Variants in SLC13A4 observed in about 807,000 individuals in gnomAD.
The protein encoded by SLC13A4 is Na(+)/sulfate cotransporter SUT-1.
Under a neutral mutation model 72.7 loss-of-function variants are expected in SLC13A4, and 28 were observed. The observed-to-expected ratio is 0.39, with a 90% CI of 0.29 to 0.53. The LOEUF (loss-of-function observed/expected upper bound fraction) is 0.53. Ranked by LOEUF, SLC13A4 falls within the 20% of genes least tolerant of loss-of-function variation. The pLI is 0.78. For synonymous variants in SLC13A4, 312 were observed against 325.5 expected (o/e 0.96, Z 0.45); for missense variants, 653 against 788.0 (o/e 0.83, Z 2.05).
chr7:135,689,538 A>G (rs1202280457), intron 13 of SLC13A4, among the ~76,000 whole-genome samples: 1 of 152,174 alleles, frequency 6.6e-6, no homozygotes, highest in Non-Finnish European at 1.5e-5. Context: ...CTATGTTTGA[A>G]TAAGGCCAAG....
chr7:135,692,413 A>G lies in SLC13A4; in HGVS notation c.1133T>C (p.Met378Thr). ...CAGGATGAAGAAAAATCCAGTCACCATTTCTGGGTAGCTATAAAATAAAAC... is the reference window on the plus strand; with the variant it reads ...CAGGATGAAGAAAAATCCAGTCACCGTTTCTGGGTAGCTATAAAATAAAAC... ...EKLGDISYPE[M>T]VTGFFFILMT... Residue 378 changes from methionine (M) to threonine (T), a missense_variant, in exon 11 of 16, where the codon ATG becomes ACG. Transcript: ENST00000682651. 1 of 1,610,852 alleles carries G rather than the reference A, an allele frequency of 6.2e-7. No homozygotes were observed. Among genetic ancestry groups the G allele is most frequent in the Non-Finnish European group, 8.5e-7 (1 of 1,178,744 alleles).
Position 135,681,482 on chromosome 7 carries a change from C to T in SLC13A4, c.*81G>A. The stretch of plus-strand genomic sequence containing the variant: ...CTGGGGTTGTGTGCTCCTGGTGGTC[C>T]TAGTGGTTTTCTTTGCCTGTGGTCC... On this transcript the variant is annotated 3_prime_UTR_variant, in exon 16 of 16. Transcript: ENST00000682651. The T allele has an allele frequency of 6.5e-7, 1 of 1,543,090 alleles. No homozygotes were observed. The highest frequency in any genetic ancestry group is 8.8e-7 in the Non-Finnish European group (1 of 1,137,098).
intron 15 of SLC13A4, chr7:135,683,339 C>T (rs527525137): frequency 5.0e-5 from 31 of 620,690 alleles, no homozygotes; most frequent in Non-Finnish European, 5.4e-5. Flanking sequence ...AAAAAAGGAC[C>T]TGAATATCTG....
At position 135,711,963 on chromosome 7, in the gene SLC13A4, A is replaced by ATTTTTTTTTTTTTTTT. The variant is rs529940903; in HGVS notation, c.229-3729_229-3714dup. 2.1e-4 allele frequency among the ~76,000 whole-genome samples: 10 copies of ATTTTTTTTTTTTTTTT among 46,900 alleles called. 1 individual carries two copies. The highest frequency in any genetic ancestry group is 9.9e-4 in the South Asian group (1 of 1,014). 30.8% of individuals were successfully genotyped at this position (46,900 alleles called of 152,430 possible). ...CACTACACCTGGCTAATGTTTTTGG[A>ATTTTTTTTTTTTTTTT]TTTTTTTTTTTTTTTTTTTTTTTTT... On this transcript the variant is annotated intron_variant, in intron 2 of 15. Transcript: ENST00000682651.
At chr7:135,722,563 T>C (rs1218043536) in intron 1 of SLC13A4, among the ~76,000 whole-genome samples, 1 of 151,764 alleles carries the variant, frequency 6.6e-6, no homozygotes, top group Non-Finnish European at 1.5e-5. Flanking sequence ...TCTCATTTGA[T>C]TCATATACGA....
chr7:135,689,789 A>G (rs558751040), intron 13 of SLC13A4, among the ~76,000 whole-genome samples: 1 of 152,198 alleles, frequency 6.6e-6, no homozygotes, highest in African/African-American at 2.4e-5. Context: ...GAATCTCACC[A>G]TGGGCAGGAG....
chr7:135,713,800 C>T (rs1191088197), intron 2 of SLC13A4, among the ~76,000 whole-genome samples: 7 of 152,246 alleles, frequency 4.6e-5, no homozygotes, highest in Non-Finnish European at 7.3e-5. Context: ...TGGTCTTCAA[C>T]GCCTGACCTT....
chr7:135,727,671 A>G lies in SLC13A4; in HGVS notation c.-175T>C, dbSNP rs905656084. The G allele has an allele frequency of 1.4e-6, 1 of 727,114 alleles. No individual in the cohort carries two copies. Among genetic ancestry groups the G allele is most frequent in the African/African-American group, 1.8e-5 (1 of 55,784 alleles). 45.0% of individuals were successfully genotyped at this position (727,114 alleles called of 1,614,324 possible). A position where few individuals can be genotyped will look rare whatever the true frequency, so the allele number is the denominator to read the frequency against. ...CAGTTATACCCTCGCTGTTTCTACA[A>G]GAGGCTGGGCTCCTGGCCTCCTGCT... On this transcript the variant is annotated 5_prime_UTR_variant, in exon 1 of 16. Coordinates refer to ENST00000682651, the MANE Select transcript of SLC13A4 (RefSeq NM_001318192.2).
At chr7:135,709,097 T>C (rs1466181801) in intron 2 of SLC13A4, among the ~76,000 whole-genome samples, 1 of 148,342 alleles carries the variant, frequency 6.7e-6, no homozygotes, top group Non-Finnish European at 1.5e-5. Context: ...GCCTGGCTAA[T>C]TTTTTTTGTA....
chr7:135,705,521 G>T, intron 5 of SLC13A4, 75 bp downstream of exon 5: 3 of 1,409,722 alleles, frequency 2.1e-6, no homozygotes, highest in Non-Finnish European at 3.0e-6. Context: ...CTGTTTATGG[G>T]TCTAGGTCCC....
intron 5 of SLC13A4, chr7:135,703,599 G>A (rs1365783629): frequency 6.6e-6 from 1 of 152,382 alleles, no homozygotes; most frequent in Non-Finnish European, 1.5e-5. Flanking sequence ...TTGCCTTGAG[G>A]ACAGAAGAAG....
chr7:135,703,097 C>T lies in SLC13A4; in HGVS notation c.594-213G>A, dbSNP rs375686328. On this transcript the variant is annotated intron_variant, in intron 5 of 15. Coordinates refer to ENST00000682651, the MANE Select transcript of SLC13A4 (RefSeq NM_001318192.2). ...CCAGGGGCCTGCTTCCTTCTGAGGG[C>T]AGGGGCAGCACTTTCCTTTGATATT... 37 of 575,668 alleles carry T rather than the reference C, an allele frequency of 6.4e-5. 1 individual carries two copies. The highest frequency in any genetic ancestry group is 4.1e-4 in the Admixed American group (13 of 31,900). The allele number at this position is 575,668 out of a possible 1,614,324, so 35.7% of individuals were successfully genotyped here.
Position 135,699,381 on chromosome 7 carries a change from G to A in SLC13A4, c.882C>T (p.Phe294=), listed in dbSNP as rs1317764632. 6.2e-6 allele frequency: 10 copies of A among 1,611,964 alleles called. No individual in the cohort carries two copies. The East Asian group carries it at 2.2e-4, about 36-fold the overall frequency. Residue 294 remains phenylalanine, a synonymous_variant, in exon 8 of 16, where the codon TTC becomes TTT. Transcript: ENST00000682651. ...TCACTTACTTGTTGAAGTGTTCCAG[G>A]AAGATGAGGCTGGTGGAGGTGCCGA... ...TIIGTSTSLI[F]LEHFNNQYPA...
At chr7:135,685,007 T>C (rs113347372) in intron 14 of SLC13A4, among the ~76,000 whole-genome samples, 5,332 of 152,178 alleles carry the variant, frequency 0.035, 110 homozygotes, top group Middle Eastern at 0.088. Context: ...TGGTCTGAGG[T>C]TGTGGAGCAA....
chr7:135,708,917 ATTTTTTTTTTTTTT>A (rs59407311), intron 2 of SLC13A4, among the ~76,000 whole-genome samples: 64 of 71,472 alleles, frequency 9.0e-4, no homozygotes, highest in Non-Finnish European at 1.2e-3. Context: ...GTCTTGCTCA[ATTTTTTTTTTTTTT>A]TTTTTTTTTT....
At position 135,694,122 on chromosome 7, in the gene SLC13A4, A is replaced by C; in HGVS notation, c.1121+15T>G. ...TCTGCTGGAGAAGGAGGGAAGAGGA[A>C]TGGCTGATTTTTACCTAATGTCTCC... On this transcript the variant is annotated intron_variant, in intron 10 of 15. Transcript: ENST00000682651. The C allele has an allele frequency of 6.9e-7, 1 of 1,457,100 alleles. No homozygotes were observed. Among genetic ancestry groups the C allele is most frequent in the Non-Finnish European group, 9.6e-7 (1 of 1,036,888 alleles). The allele number at this position is 1,457,100 out of a possible 1,614,324, so 90.3% of individuals were successfully genotyped here.
intron 8 of SLC13A4, 148 bp downstream of exon 8, chr7:135,699,216 A>G: frequency 1.2e-6 from 1 of 810,504 alleles, no homozygotes; most frequent in Non-Finnish European, 1.8e-6. Flanking sequence ...GCCTTATTAC[A>G]GATATGAGCC....
intron 2 of SLC13A4, among the ~76,000 whole-genome samples, chr7:135,718,085 ACACG>A (rs1264276376): frequency 3.9e-5 from 5 of 127,250 alleles, no homozygotes; most frequent in South Asian, 2.7e-4. Context: ...ACACACACAC[ACACG>A]CGCGCGCGCG....
chr7:135,695,703 C>A (rs1432435074), intron 8 of SLC13A4, among the ~76,000 whole-genome samples: 1 of 152,132 alleles, frequency 6.6e-6, no homozygotes, highest in Non-Finnish European at 1.5e-5. Flanking sequence ...AAAAAGGAAT[C>A]AAAACAACTA....
Sources: gnomAD v4.1 joint callset for allele counts (sites outside exome capture counted in the v4.1 genomes callset) on GRCh38, gnomAD v4.1.1 for gene constraint, MANE v1.5 for transcripts, NCBI Gene and HGNC (gene_info 2026-07-23, HGNC 2026-07-21) for gene names.